Variants in SLC47A1 observed in about 807,000 individuals in gnomAD.
SLC47A1 encodes solute carrier family 47 member 1.
Under a neutral mutation model 65.8 loss-of-function variants are expected in SLC47A1, and 58 were observed. The ratio of observed to expected loss-of-function variants is 0.88; its 90% CI spans 0.71 to 1.10. The LOEUF (loss-of-function observed/expected upper bound fraction) is 1.10, where lower values mean the gene tolerates loss of function less well. Ranked by LOEUF, SLC47A1 falls within the 50% of genes least tolerant of loss-of-function variation. The pLI is 0.00. For synonymous variants in SLC47A1, 285 were observed against 295.0 expected, an observed-to-expected ratio of 0.97 and a Z score of 0.35; for missense variants, 706 against 719.2, an observed-to-expected ratio of 0.98 and a Z score of 0.21.
intron 1 of SLC47A1, among the ~76,000 whole-genome samples, chr17:19,541,281 A>G (rs1050438045): frequency 6.6e-6 from 1 of 152,118 alleles, no homozygotes; most frequent in East Asian, 1.9e-4. Context: ...GGCAGCAGCA[A>G]ATCCTTACAC....
At position 19,565,162 on chromosome 17, in the gene SLC47A1, C is replaced by T. The variant is rs147633743; in HGVS notation, c.1107-1628C>T. 2.8e-3 allele frequency among the ~76,000 whole-genome samples: 420 copies of T among 152,326 alleles called. 1 individual carries two copies. The highest frequency in any genetic ancestry group is 5.0e-3 in the Non-Finnish European group (339 of 68,028). ...GGTCAGGGCAGCATTTTTCTCATCT[C>T]CCTTCACATGCAGAGGTTAGAATCC... On this transcript the variant is annotated intron_variant, in intron 12 of 16. Transcript: ENST00000270570.
At chr17:19,537,776 C>T (rs1916032470) in intron 1 of SLC47A1, among the ~76,000 whole-genome samples, 1 of 152,180 alleles carries the variant, frequency 6.6e-6, no homozygotes, top group Non-Finnish European at 1.5e-5. Flanking sequence ...TATGGCCTGG[C>T]CCTGGCCAGG....
At chr17:19,542,342 T>C (rs748224978) in intron 1 of SLC47A1, 51 bp from the exon 2 acceptor site, 20 of 1,423,844 alleles carry the variant, frequency 1.4e-5, no homozygotes, top group Non-Finnish European at 1.9e-5. Flanking sequence ...GCCCCAGGCT[T>C]CCCTGCAATG....
intron 13 of SLC47A1, 75 bp from the exon 14 acceptor site, chr17:19,567,021 T>A: frequency 6.2e-7 from 1 of 1,609,346 alleles, no homozygotes; most frequent in Non-Finnish European, 8.5e-7. Flanking sequence ...GCACAGAATA[T>A]GAAGTGCTCG....
intron 10 of SLC47A1, 187 bp from the exon 11 acceptor site, chr17:19,560,001 C>A: frequency 1.7e-6 from 1 of 571,564 alleles, no homozygotes; most frequent in Non-Finnish European, 3.1e-6. Flanking sequence ...AGCATCGTAA[C>A]CTGGGGCTCA....
intron 4 of SLC47A1, 104 bp downstream of exon 4, chr17:19,548,237 T>C: frequency 1.4e-6 from 2 of 1,404,600 alleles, no homozygotes. Flanking sequence ...ACCAAGGTGG[T>C]GCTCATCTCT....
chr17:19,541,358 G>T (rs1172046151), intron 1 of SLC47A1, among the ~76,000 whole-genome samples: 1 of 152,226 alleles, frequency 6.6e-6, no homozygotes, highest in Non-Finnish European at 1.5e-5. Flanking sequence ...GCCTGCCAGG[G>T]GAGAGGGGCT....
chr17:19,569,862 T>C (rs532420294), intron 14 of SLC47A1, among the ~76,000 whole-genome samples: 2 of 152,358 alleles, frequency 1.3e-5, no homozygotes, highest in Non-Finnish European at 2.9e-5. Flanking sequence ...AGTTTCTATG[T>C]ACTGAGAACA....
intron 1 of SLC47A1, among the ~76,000 whole-genome samples, chr17:19,540,716 A>G (rs568589063): frequency 9.7e-4 from 148 of 152,236 alleles, no homozygotes; most frequent in African/African-American, 3.5e-3. Flanking sequence ...TACGCAAAAC[A>G]TTGCAAAAGC....
In SLC47A1 at chr17:19,555,885, T is replaced by C. The variant is rs369310193; in HGVS notation, c.829T>C (p.Tyr277His). The C allele has an allele frequency of 1.1e-5, 18 of 1,613,878 alleles. No homozygotes were observed. The highest frequency in any genetic ancestry group is 7.7e-5 in the South Asian group (7 of 91,088). ...CATGCTGTGCATGGAGTGGTGGGCC[T>C]ATGAGGTCGGGAGCTTCCTCAGTGG... ...MLMLCMEWWA[Y>H]EVGSFLSGIL... Residue 277 changes from tyrosine (Y) to histidine (H), a missense_variant, in exon 9 of 17, where the codon TAT becomes CAT. Transcript: ENST00000270570.
At chr17:19,562,448 C>G (rs906995711) in intron 12 of SLC47A1, among the ~76,000 whole-genome samples, 1 of 151,884 alleles carries the variant, frequency 6.6e-6, no homozygotes, top group Non-Finnish European at 1.5e-5. Context: ...GCCTGCAATC[C>G]CAGCTACTCA....
chr17:19,564,173 C>A (rs191020125), intron 12 of SLC47A1, among the ~76,000 whole-genome samples: 1 of 151,888 alleles, frequency 6.6e-6, no homozygotes, highest in Non-Finnish European at 1.5e-5. Context: ...GGAAACATGG[C>A]GAAACCCCAT....
chr17:19,565,111 G>A (rs115639211), intron 12 of SLC47A1, among the ~76,000 whole-genome samples: 124 of 152,270 alleles, frequency 8.1e-4, no homozygotes, highest in African/African-American at 2.9e-3. Context: ...TCACTCCAAG[G>A]GTGTTGTGAA....
chr17:19,563,916 G>A (rs186329489), intron 12 of SLC47A1, among the ~76,000 whole-genome samples: 2,341 of 152,254 alleles, frequency 0.015, 68 homozygotes, highest in African/African-American at 0.051. Flanking sequence ...GTGAACCCGG[G>A]AGGCGGAGCT....
rs182564053 is a variant in SLC47A1 at position 19,558,625 on chromosome 17, A to T, written c.922-1563A>T. 3.7e-3 allele frequency among the ~76,000 whole-genome samples: 567 copies of T among 151,814 alleles called. 1 individual carries two copies. Among genetic ancestry groups the T allele is most frequent in the African/African-American group, 0.011 (443 of 41,428 alleles). On this transcript the variant is annotated intron_variant, in intron 10 of 16. Coordinates refer to ENST00000270570, the MANE Select transcript of SLC47A1 (RefSeq NM_018242.3). ...GCACCACCACTCCCAGCTAATTTTT[A>T]AAAAAAATTTGGTCTTGTTATGTTG...
intron 10 of SLC47A1, chr17:19,557,582 G>A (rs561227767): frequency 3.9e-5 from 20 of 516,314 alleles, no homozygotes; most frequent in African/African-American, 9.6e-5. Flanking sequence ...TTCACGGGGC[G>A]ATGCTGCCCT....
rs187218370 is a variant in SLC47A1, at chr17:19,551,323, C to T, written c.499-101C>T. On this transcript the variant is annotated intron_variant, in intron 5 of 16. Coordinates refer to ENST00000270570, the MANE Select transcript of SLC47A1 (RefSeq NM_018242.3). The stretch of plus-strand genomic sequence containing the variant: ...TGTGGCTCCGTGCGGGAGCAGAGGG[C>T]AGCCGAACCTTGGCTGTGGCTCCTA... 8.5e-4 allele frequency: 887 copies of T among 1,041,872 alleles called. 6 individuals carry two copies. In the African/African-American group the frequency reaches 0.013, roughly 15 times the overall value. 64.5% of individuals were successfully genotyped at this position (1,041,872 alleles called of 1,614,324 possible).
intron 12 of SLC47A1, among the ~76,000 whole-genome samples, chr17:19,565,833 G>A (rs958071315): frequency 2.0e-5 from 3 of 152,016 alleles, no homozygotes; most frequent in African/African-American, 7.2e-5. Flanking sequence ...CGCCCGCCTC[G>A]GCCTCCCAAA....
At position 19,551,480 on chromosome 17, in the gene SLC47A1, T is replaced by G. The variant is rs1439521575; in HGVS notation, c.543+12T>G. 1 of 1,608,440 alleles carries G rather than the reference T, an allele frequency of 6.2e-7. No homozygotes were observed. The highest frequency in any genetic ancestry group is 1.7e-5 in the Admixed American group (1 of 60,010). On this transcript the variant is annotated intron_variant, in intron 6 of 16. Coordinates refer to ENST00000270570, the MANE Select transcript of SLC47A1 (RefSeq NM_018242.3). ...ATTTGCTCAACCAGGTAATACTGACTGTTCTCTTCCTTTGGGAGGCTAATG... is the reference window on the plus strand; with the variant it reads ...ATTTGCTCAACCAGGTAATACTGACGGTTCTCTTCCTTTGGGAGGCTAATG...
Sources: allele counts gnomAD v4.1 joint callset (sites outside exome capture counted in the v4.1 genomes callset), GRCh38; gene constraint gnomAD v4.1.1; transcripts MANE v1.5; gene names NCBI Gene and HGNC (gene_info 2026-07-23, HGNC 2026-07-21).